ZNF654: variants seen among roughly 807,000 people sequenced by gnomAD.
ZNF654 encodes melanoma-associated antigen.
Under a neutral mutation model 95.3 loss-of-function variants are expected in ZNF654, and 19 were observed. That is an observed-to-expected ratio of 0.20 (90% CI 0.14 to 0.29). The LOEUF is 0.29. Among genes scored for constraint, ZNF654 ranks in the 10% least tolerant of loss-of-function variants. The probability of loss-of-function intolerance (pLI) is 1.00; values close to 1 mark genes in which losing one functional copy is unlikely to be tolerated. For missense variants in ZNF654, 1,046 were observed against 1,341.0 expected, an observed-to-expected ratio of 0.78 and a Z score of 3.44; for synonymous variants, 413 against 457.9, an observed-to-expected ratio of 0.90 and a Z score of 1.25.
chr3:88,142,649 A>T lies in ZNF654; in HGVS notation c.*997A>T, dbSNP rs1454270908. 1.3e-5 allele frequency: 2 copies of T among 152,374 alleles called. No homozygotes were observed. Among genetic ancestry groups the T allele is most frequent in the African/African-American group, 4.8e-5 (2 of 41,438 alleles). 9.4% of individuals were successfully genotyped at this position (152,374 alleles called of 1,614,324 possible). On this transcript the variant is annotated 3_prime_UTR_variant, in exon 9 of 9. Coordinates refer to ENST00000636215, the MANE Select transcript of ZNF654 (RefSeq NM_001350134.2). ...AAATAACTGGCTCAAAAAATCAGCT[A>T]AGAATCAGGTTGAGAAATCATTCAT... is the stretch of plus-strand genomic sequence containing the variant.
chr3:88,110,726 AC>A (rs1453246579), intron 2 of ZNF654, among the ~76,000 whole-genome samples: 6 of 152,128 alleles, frequency 3.9e-5, no homozygotes, highest in African/African-American at 1.4e-4. Context: ...CATTTAGTTG[AC>A]TATTTATACA....
intron 3 of ZNF654, among the ~76,000 whole-genome samples, chr3:88,117,529 C>G (rs757856158): frequency 5.9e-5 from 9 of 151,732 alleles, no homozygotes; most frequent in Non-Finnish European, 1.2e-4. Flanking sequence ...TTTATCAGGA[C>G]AACAAAGTAG....
chr3:88,093,215 G>A (rs1703854320), intron 2 of ZNF654, among the ~76,000 whole-genome samples: 1 of 152,156 alleles, frequency 6.6e-6, no homozygotes, highest in African/African-American at 2.4e-5. Context: ...CCTTGTTTTA[G>A]ATTGGTTAAA....
chr3:88,069,236 A>T (rs957949977), intron 1 of ZNF654, among the ~76,000 whole-genome samples: 1 of 152,198 alleles, frequency 6.6e-6, no homozygotes, highest in Non-Finnish European at 1.5e-5. Flanking sequence ...AGCCTGGCCA[A>T]CATGGTGAAA....
chr3:88,065,545 A>G (rs1707148069), intron 1 of ZNF654, among the ~76,000 whole-genome samples: 1 of 152,310 alleles, frequency 6.6e-6, no homozygotes, highest in Non-Finnish European at 1.5e-5. Context: ...ACCTTTGTAA[A>G]TAAAAAGACT....
chr3:88,138,674 G>A (rs1274293898), intron 7 of ZNF654, 31 bp from the exon 8 acceptor site: 1 of 1,205,584 alleles, frequency 8.3e-7, no homozygotes. Context: ...TGGAAAAAAA[G>A]TATTTAGCAC....
intron 3 of ZNF654, among the ~76,000 whole-genome samples, chr3:88,117,575 G>T (rs1705487731): frequency 6.6e-6 from 1 of 151,926 alleles, no homozygotes; most frequent in Non-Finnish European, 1.5e-5. Flanking sequence ...TTTACAAATG[G>T]GGTCATTACA....
Position 88,140,451 on chromosome 3 carries a change from A to G in ZNF654, c.2782A>G (p.Ile928Val), listed in dbSNP as rs779021430. The change falls in exon 8 of 9, where the codon ATA becomes GTA. Residue 928 changes from isoleucine to valine, a missense_variant. This residue lies in a region of ZNF654 where 495 missense variants were observed against 537.0 expected (regional missense o/e 0.92). Transcript: ENST00000636215. ...RKESTEPKTC[I>V]ESMEKKTDSL... ...AGAGTCTACAGAACCAAAGACATGT[A>G]TAGAAAGTATGGAAAAGAAAACAGA... 6.2e-7 allele frequency: 1 copy of G among 1,613,696 alleles called. No individual in the cohort carries two copies.
chr3:88,064,071 G>A (rs1386923938), intron 1 of ZNF654, among the ~76,000 whole-genome samples: 1 of 149,968 alleles, frequency 6.7e-6, no homozygotes, highest in Non-Finnish European at 1.5e-5. Context: ...CAGTATGGAA[G>A]AAAACAAGAA....
At chr3:88,101,303 C>T (rs1420063025) in intron 2 of ZNF654, among the ~76,000 whole-genome samples, 1 of 152,146 alleles carries the variant, frequency 6.6e-6, no homozygotes, top group Non-Finnish European at 1.5e-5. Context: ...CAGCTCAAGG[C>T]AACTACTGCT....
intron 6 of ZNF654, 123 bp from the exon 7 acceptor site, chr3:88,134,938 C>A: frequency 1.7e-6 from 1 of 572,586 alleles, no homozygotes. Flanking sequence ...TGGGGGTGAA[C>A]GTAATACATA....
rs1269318313 is a variant in ZNF654 at position 88,141,881 on chromosome 3, C to T, written c.*229C>T. 2.6e-6 allele frequency: 1 copy of T among 380,860 alleles called. No individual in the cohort carries two copies. Among genetic ancestry groups the T allele is most frequent in the Admixed American group, 4.2e-5 (1 of 23,546 alleles). The allele number at this position is 380,860 out of a possible 1,614,324, so 23.6% of individuals were successfully genotyped here. ...AAAGTACCAGTTTTCCAGAAAACCA[C>T]ATTTTACAGTTTATGATGATTAATA... On this transcript the variant is annotated 3_prime_UTR_variant, in exon 9 of 9. Transcript: ENST00000636215.
chr3:88,059,378 T>C lies in ZNF654; in HGVS notation c.59T>C (p.Ile20Thr), dbSNP rs73146068. ...CGCCTCGGAGAAGAGCTTGTGGCCATTGTGGAGTCCCCGCTGGGCCCTGTG... is the reference window on the plus strand; with the variant it reads ...CGCCTCGGAGAAGAGCTTGTGGCCACTGTGGAGTCCCCGCTGGGCCCTGTG... ...AERLGEELVA[I>T]VESPLGPVGL... The change falls in exon 1 of 9, where the codon ATT becomes ACT. Residue 20 changes from isoleucine to threonine, a missense_variant. Ile to Thr is a moderately conservative substitution (Grantham distance 89). Around this residue, in one of 9 missense-constraint regions of ZNF654, gnomAD observed 89 missense variants for 77.9 expected, o/e 1.14. Coordinates refer to ENST00000636215, the MANE Select transcript of ZNF654 (RefSeq NM_001350134.2). 6.5e-7 allele frequency: 1 copy of C among 1,535,174 alleles called. No homozygotes were observed. The highest frequency in any genetic ancestry group is 8.7e-7 in the Non-Finnish European group (1 of 1,146,674).
At chr3:88,090,931 C>T (rs1159291046) in intron 2 of ZNF654, among the ~76,000 whole-genome samples, 5 of 152,214 alleles carry the variant, frequency 3.3e-5, no homozygotes, top group African/African-American at 1.2e-4. Flanking sequence ...GGGCCTCATT[C>T]AAAGCCATCT....
intron 1 of ZNF654, among the ~76,000 whole-genome samples, chr3:88,066,076 A>C (rs1167842154): frequency 6.6e-6 from 1 of 152,180 alleles, no homozygotes; most frequent in Non-Finnish European, 1.5e-5. Context: ...GATTATTTTG[A>C]GTATGATGAA....
At position 88,140,170 on chromosome 3, in the gene ZNF654, A is replaced by G; in HGVS notation, c.2501A>G (p.Gln834Arg). Reference protein sequence around the residue: ...ESFKLPFQLAQHTKSHRIFQA... With the variant: ...ESFKLPFQLARHTKSHRIFQA... ...TTTAAGCTGCCGTTCCAGCTTGCCC[A>G]GCACACAAAAAGTCACAGGATATTT... is the stretch of plus-strand genomic sequence containing the variant. The change falls in exon 8 of 9, where the codon CAG (glutamine) becomes CGG (arginine). Residue 834 changes from glutamine (Q) to arginine (R), a missense_variant. This residue lies in a region of ZNF654 where 495 missense variants were observed against 537.0 expected (regional missense o/e 0.92). Coordinates refer to ENST00000636215, the MANE Select transcript of ZNF654 (RefSeq NM_001350134.2). 4 of 1,613,694 alleles carry G rather than the reference A, an allele frequency of 2.5e-6. No individual in the cohort carries two copies. Among genetic ancestry groups the G allele is most frequent in the Non-Finnish European group, 3.4e-6 (4 of 1,179,720 alleles).
chr3:88,062,419 GA>G (rs1470043655), intron 1 of ZNF654, among the ~76,000 whole-genome samples: 2 of 152,176 alleles, frequency 1.3e-5, no homozygotes, highest in East Asian at 3.8e-4. Context: ...AAAGGAAAAA[GA>G]AGTTACTGGA....
chr3:88,095,528 A>G, intron 2 of ZNF654: 2 of 491,562 alleles, frequency 4.1e-6, no homozygotes, highest in Non-Finnish European at 4.1e-6. Context: ...CTTCTTTTGC[A>G]AGAACCAGGT....
intron 2 of ZNF654, among the ~76,000 whole-genome samples, chr3:88,112,679 T>A (rs1243638171): frequency 6.6e-6 from 1 of 151,950 alleles, no homozygotes; most frequent in African/African-American, 2.4e-5. Context: ...TAACTTATGT[T>A]TTTGTGTTAA....
Sources: gnomAD v4.1 joint callset for allele counts (sites outside exome capture counted in the v4.1 genomes callset) on GRCh38, gnomAD v4.1.1 for gene constraint, gnomAD v4.1.1 regional missense constraint, MANE v1.5 for transcripts, NCBI Gene and HGNC (gene_info 2026-07-23, HGNC 2026-07-21) for gene names.